The following LGALS1 variants were observed in gnomAD, a reference collection of about 807,000 sequenced individuals.
LGALS1 encodes the protein galectin 1.
LGALS1 carries 14 observed loss-of-function variants against 14.4 expected under a neutral mutation model. The observed-to-expected ratio is 0.97, with a 90% CI of 0.64 to 1.52. The LOEUF (loss-of-function observed/expected upper bound fraction) is 1.52, where lower values mean the gene tolerates loss of function less well. Ranked by LOEUF, LGALS1 falls within the 40% of genes most tolerant of loss-of-function variation. LGALS1 has a pLI of 0.00. For synonymous variants in LGALS1, 71 were observed against 73.4 expected (o/e 0.97, Z 0.17); for missense variants, 170 against 181.4 (o/e 0.94, Z 0.36).
At position 37,678,668 on chromosome 22, in the gene LGALS1, C is replaced by T. The variant is rs772445806; in HGVS notation, c.261+14C>T. On this transcript the variant is annotated intron_variant, in intron 3 of 3. Coordinates refer to ENST00000215909, the MANE Select transcript of LGALS1 (RefSeq NM_002305.4). ...AGTGTTGCAGAGGTGGGCTGCAGAC[C>T]GGAACCGGGGACCAGGGACAGGGGC... The T allele has an allele frequency of 8.5e-5, 86 of 1,011,970 alleles. No individual in the cohort carries two copies. The highest frequency in any genetic ancestry group is 4.2e-4 in the African/African-American group (22 of 52,268). The allele number at this position is 1,011,970 out of a possible 1,614,324, so 62.7% of individuals were successfully genotyped here.
chr22:37,679,147 A>AAC (rs1921544795), intron 3 of LGALS1, among the ~76,000 whole-genome samples: 1 of 146,654 alleles, frequency 6.8e-6, no homozygotes, highest in Non-Finnish European at 1.5e-5. Context: ...AAAAAAAAAA[A>AAC]ATTAGCCAGC....
At chr22:37,676,379 G>A (rs138476826) in intron 1 of LGALS1, among the ~76,000 whole-genome samples, 1,763 of 152,284 alleles carry the variant, frequency 0.012, 20 homozygotes, top group Middle Eastern at 0.058. Context: ...CCCACTCGGG[G>A]TGCCAGGGAA....
In LGALS1 at chr22:37,678,469, C is replaced by A. The variant is rs750545385; in HGVS notation, c.90-14C>A. 24 of 1,613,194 alleles carry A rather than the reference C, an allele frequency of 1.5e-5. No individual in the cohort carries two copies. Among genetic ancestry groups the A allele is most frequent in the Admixed American group, 5.0e-5 (3 of 59,996 alleles). ...CTGGCCGAGGTGGCCTCATGCCCAC[C>A]CGTTACCCCCCAGCTTCGTGCTGAA... is the stretch of plus-strand genomic sequence containing the variant. On this transcript the variant is annotated splice_polypyrimidine_tract_variant and intron_variant, in intron 2 of 3. Coordinates refer to ENST00000215909, the MANE Select transcript of LGALS1 (RefSeq NM_002305.4).
At position 37,678,486 on chromosome 22, in the gene LGALS1, C is replaced by G; in HGVS notation, c.93C>G (p.Phe31Leu). ...RGEVAPDAKS[F>L]VLNLGKDSNN... Reference sequence around the variant, plus strand: ...ATGCCCACCCGTTACCCCCCAGCTTCGTGCTGAACCTGGGCAAAGACAGCA... The same window carrying G: ...ATGCCCACCCGTTACCCCCCAGCTTGGTGCTGAACCTGGGCAAAGACAGCA... The change falls in exon 3 of 4, where the codon TTC (phenylalanine) becomes TTG (leucine). Residue 31 changes from phenylalanine to leucine, a missense_variant. Coordinates refer to ENST00000215909, the MANE Select transcript of LGALS1 (RefSeq NM_002305.4). 2 of 1,613,508 alleles carry G rather than the reference C, an allele frequency of 1.2e-6. No homozygotes were observed. The highest frequency in any genetic ancestry group is 1.7e-6 in the Non-Finnish European group (2 of 1,180,010).
Position 37,679,675 on chromosome 22 carries a change from C to G in LGALS1, c.334C>G (p.Arg112Gly). 5.0e-6 allele frequency: 8 copies of G among 1,610,852 alleles called. No individual in the cohort carries two copies. Among genetic ancestry groups the G allele is most frequent in the Non-Finnish European group, 5.9e-6 (7 of 1,178,906 alleles). ...TGGATACGAATTCAAGTTCCCCAAC[C>G]GCCTCAACCTGGAGGCCATCAACTA... ...PDGYEFKFPNRLNLEAINYMA... is the reference protein window; with the variant it reads ...PDGYEFKFPNGLNLEAINYMA... The change falls in exon 4 of 4, where the codon CGC becomes GGC. Residue 112 changes from arginine (R) to glycine (G), a missense_variant. Coordinates refer to ENST00000215909, the MANE Select transcript of LGALS1 (RefSeq NM_002305.4).
chr22:37,676,873 T>A (rs1354822715), intron 1 of LGALS1, 113 bp from the exon 2 acceptor site: 8 of 1,011,614 alleles, frequency 7.9e-6, no homozygotes, highest in Non-Finnish European at 1.2e-5. Context: ...CTTGGCTTGG[T>A]CAGAGGATGC....
intron 1 of LGALS1, 177 bp from the exon 2 acceptor site, chr22:37,676,809 A>T: frequency 1.4e-6 from 1 of 716,526 alleles, no homozygotes; most frequent in Non-Finnish European, 2.6e-6. Context: ...TCCCAGGACC[A>T]CATAGACAAT....
intron 3 of LGALS1, 128 bp downstream of exon 3, chr22:37,678,782 T>C: frequency 1.1e-6 from 1 of 910,384 alleles, no homozygotes; most frequent in Non-Finnish European, 1.6e-6. Context: ...TCCTGTGTGA[T>C]GGCCAGTGTC....
At position 37,676,932 on chromosome 22, in the gene LGALS1, G is replaced by T. The variant is rs372904011; in HGVS notation, c.10-54G>T. On this transcript the variant is annotated intron_variant, in intron 1 of 3. Transcript: ENST00000215909. ...ACCCCCAGCCACCCCCGGACACTTC[G>T]AGCAGTGGAGGCCTTGTCCTCTAAC... 1.2e-3 allele frequency: 1,937 copies of T among 1,591,914 alleles called. 3 individuals are homozygous for T. The highest frequency in any genetic ancestry group is 6.3e-3 in the Middle Eastern group (38 of 6,032).
At chr22:37,678,999 C>T (rs1052982360) in intron 3 of LGALS1, among the ~76,000 whole-genome samples, 6 of 151,506 alleles carry the variant, frequency 4.0e-5, no homozygotes, top group South Asian at 2.1e-4. Context: ...GGCGTGATGG[C>T]GCATGCCTGT....
intron 1 of LGALS1, 86 bp from the exon 2 acceptor site, chr22:37,676,900 C>A: frequency 7.2e-7 from 1 of 1,384,410 alleles, no homozygotes; most frequent in Non-Finnish European, 1.0e-6. Context: ...GGAACAACCC[C>A]ACTCCCACCC....
intron 3 of LGALS1, among the ~76,000 whole-genome samples, chr22:37,679,305 A>G (rs955662835): frequency 7.1e-6 from 1 of 140,032 alleles, no homozygotes; most frequent in African/African-American, 2.7e-5. Context: ...GTGGCACACA[A>G]CTGTAGTCCT....
rs765144131 is a variant in LGALS1, at chr22:37,678,614, G to A, written c.221G>A (p.Arg74Gln). The A allele has an allele frequency of 5.6e-6, 9 of 1,612,180 alleles. No homozygotes were observed. Among genetic ancestry groups the A allele is most frequent in the East Asian group, 4.5e-5 (2 of 44,840 alleles). Residue 74 changes from arginine to glutamine, a missense_variant, in exon 3 of 4, where the codon CGG becomes CAG. Arg to Gln is a conservative substitution (Grantham distance 43). Coordinates refer to ENST00000215909, the MANE Select transcript of LGALS1 (RefSeq NM_002305.4). Reference sequence around the variant, plus strand: ...GGCGGGGCCTGGGGGACCGAGCAGCGGGAGGCTGTCTTTCCCTTCCAGCCT... The same window carrying A: ...GGCGGGGCCTGGGGGACCGAGCAGCAGGAGGCTGTCTTTCCCTTCCAGCCT... ...KDGGAWGTEQREAVFPFQPGS... is the reference protein window; with the variant it reads ...KDGGAWGTEQQEAVFPFQPGS...
rs1472770572 is a variant in LGALS1 at position 37,679,734 on chromosome 22, T to G, written c.393T>G (p.Cys131Trp). The change falls in exon 4 of 4, where the codon TGT (cysteine) becomes TGG (tryptophan). Residue 131 changes from cysteine to tryptophan, a missense_variant. Cys to Trp is a radical substitution (Grantham distance 215). Coordinates refer to ENST00000215909, the MANE Select transcript of LGALS1 (RefSeq NM_002305.4). ...CTGACGGTGACTTCAAGATCAAATG[T>G]GTGGCCTTTGACTGAAATCAGCCAG... ...MAADGDFKIK[C>W]VAFD 4 of 1,598,116 alleles carry G rather than the reference T, an allele frequency of 2.5e-6. No individual in the cohort carries two copies. The highest frequency in any genetic ancestry group is 3.4e-6 in the Non-Finnish European group (4 of 1,171,534).
chr22:37,676,933 A>T, intron 1 of LGALS1, 53 bp from the exon 2 acceptor site: 1 of 1,569,674 alleles, frequency 6.4e-7, no homozygotes, highest in Non-Finnish European at 8.8e-7. Context: ...GGACACTTCG[A>T]GCAGTGGAGG....
In LGALS1 at chr22:37,675,727, C is replaced by A. The variant is rs905061089; in HGVS notation, c.9+16C>A. ...CATGGCTTGTGTGAGTGTGGGGACCCCCCCCCAAGGTCCAGGGGATAGGGC... is the reference window on the plus strand; with the variant it reads ...CATGGCTTGTGTGAGTGTGGGGACCACCCCCCAAGGTCCAGGGGATAGGGC... On this transcript the variant is annotated intron_variant, in intron 1 of 3. Coordinates refer to ENST00000215909, the MANE Select transcript of LGALS1 (RefSeq NM_002305.4). The A allele has an allele frequency of 1.0e-5, 16 of 1,538,434 alleles. No homozygotes were observed. In the East Asian group the frequency reaches 3.0e-4, roughly 29 times the overall value.
In LGALS1 at chr22:37,675,726, C is replaced by T; in HGVS notation, c.9+15C>T. The T allele has an allele frequency of 1.3e-6, 2 of 1,535,762 alleles. No homozygotes were observed. The highest frequency in any genetic ancestry group is 2.4e-5 in the South Asian group (2 of 82,928). ...TCATGGCTTGTGTGAGTGTGGGGAC[C>T]CCCCCCCAAGGTCCAGGGGATAGGG... is the stretch of plus-strand genomic sequence containing the variant. On this transcript the variant is annotated intron_variant, in intron 1 of 3. Transcript: ENST00000215909.
chr22:37,678,588 C>G lies in LGALS1; in HGVS notation c.195C>G (p.Asp65Glu). ...DANTIVCNSKDGGAWGTEQRE... is the reference protein window; with the variant it reads ...DANTIVCNSKEGGAWGTEQRE... ...ACACCATCGTGTGCAACAGCAAGGA[C>G]GGCGGGGCCTGGGGGACCGAGCAGC... The change falls in exon 3 of 4, where the codon GAC becomes GAG. Residue 65 changes from aspartate to glutamate, a missense_variant. Coordinates refer to ENST00000215909, the MANE Select transcript of LGALS1 (RefSeq NM_002305.4). The G allele has an allele frequency of 1.9e-6, 3 of 1,581,056 alleles. No individual in the cohort carries two copies. The highest frequency in any genetic ancestry group is 1.1e-5 in the South Asian group (1 of 90,716).
chr22:37,677,962 T>G lies in LGALS1; in HGVS notation c.90-521T>G, dbSNP rs186127159. ...ACAACGCCCAGCTAATTTATGTACT[T>G]TTAGTAGAGACGGGGTTTCACCATG... On this transcript the variant is annotated intron_variant, in intron 2 of 3. Transcript: ENST00000215909. Among the ~76,000 whole-genome samples the G allele has an allele frequency of 3.4e-3, 517 of 152,092 alleles. 3 individuals carry two copies. The highest frequency in any genetic ancestry group is 0.012 in the African/African-American group (480 of 41,488).
Sources: gnomAD v4.1 joint callset for allele counts (sites outside exome capture counted in the v4.1 genomes callset) on GRCh38, gnomAD v4.1.1 for gene constraint, MANE v1.5 for transcripts, NCBI Gene and HGNC (gene_info 2026-07-23, HGNC 2026-07-21) for gene names.